The following TBC1D4 variants were observed in gnomAD, a reference collection of about 807,000 sequenced individuals.
TBC1D4 encodes TBC (Tre-2, BUB2, CDC16) domain-containing protein.
A neutral mutation model predicts 142.5 loss-of-function variants in TBC1D4; 121 were observed. The ratio of observed to expected loss-of-function variants is 0.85; its 90% confidence interval spans 0.73 to 0.99. The LOEUF (loss-of-function observed/expected upper bound fraction) is 0.99. Ranked by LOEUF, TBC1D4 falls within the 50% of genes least tolerant of loss-of-function variation. The pLI is 0.00. For synonymous variants in TBC1D4, 630 were observed against 628.2 expected (o/e 1.00, Z -0.04); for missense variants, 1,475 against 1,606.6 (o/e 0.92, Z 1.40).
At chr13:75,296,797 C>A (rs56270734) in intron 17 of TBC1D4, among the ~76,000 whole-genome samples, 1 of 151,908 alleles carries the variant, frequency 6.6e-6, no homozygotes, top group African/African-American at 2.4e-5. Flanking sequence ...CAGAAACAAA[C>A]GTGACAAGAT....
intron 1 of TBC1D4, 51 bp downstream of exon 1, chr13:75,481,219 C>G: frequency 6.4e-7 from 1 of 1,557,574 alleles, no homozygotes; most frequent in Non-Finnish European, 8.7e-7. Context: ...GCCCTGCTCC[C>G]CGATCCCCCA....
chr13:75,458,892 C>A (rs530359760), intron 1 of TBC1D4, among the ~76,000 whole-genome samples: 3 of 152,194 alleles, frequency 2.0e-5, no homozygotes, highest in African/African-American at 7.2e-5. Context: ...CCTTCCCTTT[C>A]AGACCTAGGG....
At chr13:75,288,610 G>A (rs1397374348) in intron 20 of TBC1D4, among the ~76,000 whole-genome samples, 1 of 152,032 alleles carries the variant, frequency 6.6e-6, no homozygotes, top group African/African-American at 2.4e-5. Flanking sequence ...TCCAGCTCAA[G>A]CCCAGGTCCT....
intron 18 of TBC1D4, among the ~76,000 whole-genome samples, chr13:75,293,264 T>C (rs550217): frequency 0.3 from 45,732 of 152,142 alleles, 8,193 homozygotes; most frequent in African/African-American, 0.5. Context: ...CAGGGAGTCT[T>C]TAATGAAGAG....
At chr13:75,287,314 G>T (rs1192186572) in intron 20 of TBC1D4, among the ~76,000 whole-genome samples, 1 of 152,200 alleles carries the variant, frequency 6.6e-6, no homozygotes, top group African/African-American at 2.4e-5. Context: ...CCCTGAGTGA[G>T]TGGGATCTGG....
chr13:75,442,532 A>C (rs1216277089), intron 1 of TBC1D4, among the ~76,000 whole-genome samples: 1 of 152,224 alleles, frequency 6.6e-6, no homozygotes, highest in African/African-American at 2.4e-5. Flanking sequence ...GGAAAAAAAA[A>C]CATTCTGGGA....
At chr13:75,468,173 T>C (rs544503532) in intron 1 of TBC1D4, among the ~76,000 whole-genome samples, 1 of 152,328 alleles carries the variant, frequency 6.6e-6, no homozygotes, top group African/African-American at 2.4e-5. Context: ...GGATTTTTCA[T>C]GTTACATGAC....
intron 1 of TBC1D4, among the ~76,000 whole-genome samples, chr13:75,475,083 T>C (rs9593081): frequency 0.77 from 116,858 of 152,182 alleles, 47,001 homozygotes; most frequent in East Asian, 0.97. Context: ...AAGAGCTCAA[T>C]AAACGTTCAC....
intron 7 of TBC1D4, among the ~76,000 whole-genome samples, chr13:75,337,585 A>G (rs912523910): frequency 1.3e-5 from 2 of 152,172 alleles, no homozygotes. Flanking sequence ...TAGGTTCTCT[A>G]TGTATTTTAT....
intron 10 of TBC1D4, among the ~76,000 whole-genome samples, chr13:75,325,524 G>T (rs1400465267): frequency 4.0e-5 from 6 of 151,712 alleles, no homozygotes; most frequent in Non-Finnish European, 7.4e-5. Context: ...TTTGATCTGT[G>T]TTACACAGAA....
At chr13:75,450,698 C>G (rs1206817662) in intron 1 of TBC1D4, among the ~76,000 whole-genome samples, 1 of 152,258 alleles carries the variant, frequency 6.6e-6, no homozygotes, top group African/African-American at 2.4e-5. Flanking sequence ...TTAATTGAGT[C>G]ATTAGACATA....
At chr13:75,321,609 A>G (rs1183141203) in intron 11 of TBC1D4, among the ~76,000 whole-genome samples, 1 of 152,216 alleles carries the variant, frequency 6.6e-6, no homozygotes, top group Admixed American at 6.5e-5. Context: ...CCAATCTTCT[A>G]ACTTGAACAT....
chr13:75,466,898 A>T lies in TBC1D4; in HGVS notation c.498+14372T>A, dbSNP rs768235953. Reference sequence around the variant, plus strand: ...AAAAAATAATAATAATTTAAAAATTAAAAAAAAAACATCTGAAAAATGTAA... The same window carrying T: ...AAAAAATAATAATAATTTAAAAATTTAAAAAAAAACATCTGAAAAATGTAA... On this transcript the variant is annotated intron_variant, in intron 1 of 20. Transcript: ENST00000377636. Among the ~76,000 whole-genome samples, 53 of 148,944 alleles carry T rather than the reference A, an allele frequency of 3.6e-4. 1 individual carries two copies. Among genetic ancestry groups the T allele is most frequent in the South Asian group, 3.4e-3 (16 of 4,734 alleles).
rs867930248 is a variant in TBC1D4, at chr13:75,320,050, G to C, written c.2199-13C>G. 6.2e-7 allele frequency: 1 copy of C among 1,613,050 alleles called. No homozygotes were observed. Among genetic ancestry groups the C allele is most frequent in the African/African-American group, 1.3e-5 (1 of 74,862 alleles). ...AGCAGTGTCTTGTCTGGTACAACAG[G>C]AAAACAAGGAATGGAATTAGCACAC... On this transcript the variant is annotated splice_polypyrimidine_tract_variant and intron_variant, in intron 11 of 20. Transcript: ENST00000377636.
chr13:75,352,668 G>T (rs1331007384), intron 4 of TBC1D4, among the ~76,000 whole-genome samples: 2 of 152,154 alleles, frequency 1.3e-5, no homozygotes, highest in Non-Finnish European at 2.9e-5. Flanking sequence ...ACAAAGACAG[G>T]AGAAAAGGAA....
At chr13:75,477,565 A>C (rs1048241122) in intron 1 of TBC1D4, among the ~76,000 whole-genome samples, 1 of 152,132 alleles carries the variant, frequency 6.6e-6, no homozygotes, top group Non-Finnish European at 1.5e-5. Context: ...TGTTAATTAA[A>C]AATTAACATA....
intron 18 of TBC1D4, 36 bp downstream of exon 18, chr13:75,294,818 A>G (rs761077989): frequency 1.2e-6 from 2 of 1,605,028 alleles, no homozygotes; most frequent in Non-Finnish European, 1.7e-6. Flanking sequence ...CTTGGAATAA[A>G]TAATACTGTT....
chr13:75,309,878 G>A (rs1877563164), intron 14 of TBC1D4, 64 bp downstream of exon 14: 15 of 1,540,788 alleles, frequency 9.7e-6, no homozygotes, highest in Non-Finnish European at 1.3e-5. Flanking sequence ...GGGAGAGAAA[G>A]GTAGGTTTAA....
chr13:75,450,604 A>C (rs1473695251), intron 1 of TBC1D4, among the ~76,000 whole-genome samples: 2 of 152,202 alleles, frequency 1.3e-5, no homozygotes, highest in African/African-American at 4.8e-5. Context: ...TTGTGACAAT[A>C]TGCAGAGAAT....
Sources: gnomAD v4.1 joint callset for allele counts (sites outside exome capture counted in the v4.1 genomes callset) on GRCh38, gnomAD v4.1.1 for gene constraint, MANE v1.5 for transcripts, NCBI Gene and HGNC (gene_info 2026-07-23, HGNC 2026-07-21) for gene names.